Variants in CHST11 observed in about 807,000 individuals in gnomAD.
CHST11 encodes C4S-1.
In CHST11, 9 loss-of-function variants were observed where a neutral mutation model predicts 30.4. That is an observed-to-expected ratio of 0.30 (90% CI 0.18 to 0.52). CHST11 has a LOEUF of 0.52. CHST11 is among the 20% of genes least tolerant of loss of function. The pLI, the probability that CHST11 is intolerant of heterozygous loss-of-function variation, is 0.97. For synonymous variants in CHST11, 152 were observed against 187.8 expected, an observed-to-expected ratio of 0.81 and a Z score of 1.56; for missense variants, 348 against 460.6, an observed-to-expected ratio of 0.76 and a Z score of 2.24.
Position 104,731,173 on chromosome 12 carries a change from C to T in CHST11, c.205-25776C>T, listed in dbSNP as rs556043645. 3.9e-5 allele frequency among the ~76,000 whole-genome samples: 6 copies of T among 152,296 alleles called. No homozygotes were observed. In the South Asian group the frequency reaches 1.0e-3, roughly 26 times the overall value. On this transcript the variant is annotated intron_variant, in intron 2 of 2. Transcript: ENST00000303694. ...AACCCAAATTGACCAGAACCCTCAT[C>T]GGAGGGCTAACTTACTGTACACGAC...
intron 1 of CHST11, among the ~76,000 whole-genome samples, chr12:104,468,577 G>T (rs565859273): frequency 6.6e-6 from 1 of 152,334 alleles, no homozygotes; most frequent in South Asian, 2.1e-4. Context: ...GCAGTTTAGT[G>T]ATAGACATTC....
chr12:104,742,396 C>A (rs554312656), intron 2 of CHST11, among the ~76,000 whole-genome samples: 1 of 152,186 alleles, frequency 6.6e-6, no homozygotes, highest in South Asian at 2.1e-4. Context: ...GGTAAGCCAC[C>A]CGGGACTGCT....
intron 2 of CHST11, among the ~76,000 whole-genome samples, chr12:104,610,299 T>A (rs1426589567): frequency 1.3e-5 from 2 of 152,210 alleles, no homozygotes; most frequent in Non-Finnish European, 2.9e-5. Context: ...TTCGTCCACA[T>A]TTAACTCAAG....
chr12:104,560,572 A>G (rs1365594130), intron 1 of CHST11, among the ~76,000 whole-genome samples: 2 of 152,212 alleles, frequency 1.3e-5, no homozygotes, highest in East Asian at 1.9e-4. Flanking sequence ...ACTTTATGGT[A>G]CTTTATAATT....
At chr12:104,507,102 G>T (rs891178549) in intron 1 of CHST11, among the ~76,000 whole-genome samples, 1 of 152,164 alleles carries the variant, frequency 6.6e-6, no homozygotes, top group Non-Finnish European at 1.5e-5. Flanking sequence ...TGGAGGGAAG[G>T]GTCTGAGCTG....
intron 2 of CHST11, among the ~76,000 whole-genome samples, chr12:104,622,167 T>TTTATA (rs755903403): frequency 6.6e-6 from 1 of 152,048 alleles, no homozygotes; most frequent in Non-Finnish European, 1.5e-5. Flanking sequence ...CAACCACACA[T>TTTATA]TCAACCTGAA....
chr12:104,461,746 A>G (rs1248021689), intron 1 of CHST11, among the ~76,000 whole-genome samples: 1 of 152,164 alleles, frequency 6.6e-6, no homozygotes, highest in Non-Finnish European at 1.5e-5. Flanking sequence ...GAAAGATTAT[A>G]TCCTTTATTT....
chr12:104,713,428 ACTC>A (rs1347561223), intron 2 of CHST11, among the ~76,000 whole-genome samples: 2 of 152,020 alleles, frequency 1.3e-5, no homozygotes, highest in Non-Finnish European at 2.9e-5. Flanking sequence ...TGCCTTGCCT[ACTC>A]TGAGCACCAT....
At chr12:104,601,093 T>C (rs1308795962) in intron 1 of CHST11, among the ~76,000 whole-genome samples, 2 of 151,284 alleles carry the variant, frequency 1.3e-5, no homozygotes, top group African/African-American at 2.4e-5. Context: ...CCTTCCTTCC[T>C]TCCCTCTCTC....
Position 104,514,729 on chromosome 12 carries a change from C to T in CHST11, c.118+57200C>T, listed in dbSNP as rs116968461. Among the ~76,000 whole-genome samples, 68 of 152,226 alleles carry T rather than the reference C, an allele frequency of 4.5e-4. No homozygotes were observed. In the East Asian group the frequency reaches 7.7e-3, roughly 17 times the overall value. ...GAGGAAGGTACCAGGCTCTTCTTAACGATCAGCTCTTGTGGGAACTAACAG... is the reference window on the plus strand; with the variant it reads ...GAGGAAGGTACCAGGCTCTTCTTAATGATCAGCTCTTGTGGGAACTAACAG... On this transcript the variant is annotated intron_variant, in intron 1 of 2. Transcript: ENST00000303694.
At chr12:104,715,812 G>GA (rs1300679349) in intron 2 of CHST11, among the ~76,000 whole-genome samples, 2 of 152,186 alleles carry the variant, frequency 1.3e-5, no homozygotes, top group Non-Finnish European at 2.9e-5. Flanking sequence ...GGATGAAAGG[G>GA]TTCTGGGGCT....
intron 1 of CHST11, among the ~76,000 whole-genome samples, chr12:104,578,770 T>C (rs976883486): frequency 4.6e-5 from 7 of 152,136 alleles, no homozygotes; most frequent in Non-Finnish European, 8.8e-5. Context: ...TAATTGGAGA[T>C]AGAGAGATAG....
chr12:104,484,656 T>C (rs1346692769), intron 1 of CHST11, among the ~76,000 whole-genome samples: 2 of 152,234 alleles, frequency 1.3e-5, no homozygotes, highest in African/African-American at 2.4e-5. Flanking sequence ...GTGATACATA[T>C]GTATGATTGT....
rs377299232 is a variant in CHST11, at chr12:104,509,946, C to T, written c.118+52417C>T. On this transcript the variant is annotated intron_variant, in intron 1 of 2. Transcript: ENST00000303694. ...GGGAACTCTCCTCCATTTGGTGTTT[C>T]AGGGACCTAGGCTCCTTCCATGTTG... 2.6e-5 allele frequency among the ~76,000 whole-genome samples: 4 copies of T among 152,328 alleles called. No homozygotes were observed. The East Asian group carries it at 7.7e-4, about 29-fold the overall frequency.
chr12:104,607,336 T>A (rs575458124), intron 2 of CHST11, among the ~76,000 whole-genome samples: 3 of 152,306 alleles, frequency 2.0e-5, no homozygotes, highest in Admixed American at 1.3e-4. Flanking sequence ...GGGACTCTCT[T>A]AGCCCCAACC....
chr12:104,729,623 C>T lies in CHST11; in HGVS notation c.205-27326C>T, dbSNP rs1487815503. Among the ~76,000 whole-genome samples, 3 of 152,306 alleles carry T rather than the reference C, an allele frequency of 2.0e-5. No homozygotes were observed. In the East Asian group the frequency reaches 5.8e-4, roughly 29 times the overall value. On this transcript the variant is annotated intron_variant, in intron 2 of 2. Coordinates refer to ENST00000303694, the MANE Select transcript of CHST11 (RefSeq NM_018413.6). The surrounding 1 kb of genome is among the most constrained non-coding windows in gnomAD (Gnocchi z 4.0). The stretch of plus-strand genomic sequence containing the variant: ...TCATAGGTGCCATGAGTGACAGAAG[C>T]AGCGTAAGGTCTAGCGTATTGTCTT...
chr12:104,637,313 A>ACTC lies in CHST11; in HGVS notation c.204+35322_204+35323insCTC, dbSNP rs1438291537. ...GGAGTGAGACCCTGTAAAAAAAAAA[A>ACTC]AAAAAAAAAAAAAAAAAAAAAAGGG... On this transcript the variant is annotated intron_variant, in intron 2 of 2. Coordinates refer to ENST00000303694, the MANE Select transcript of CHST11 (RefSeq NM_018413.6). Among the ~76,000 whole-genome samples, 162 of 53,760 alleles carry ACTC rather than the reference A, an allele frequency of 3.0e-3. 11 individuals carry two copies. The highest frequency in any genetic ancestry group is 0.012 in the African/African-American group (126 of 10,726). The allele number at this position is 53,760 out of a possible 152,430, so 35.3% of individuals were successfully genotyped here. A position where few individuals can be genotyped will look rare whatever the true frequency, so the allele number is the denominator to read the frequency against.
chr12:104,513,123 T>TGGC (rs1555229062), intron 1 of CHST11, among the ~76,000 whole-genome samples: 3 of 3,390 alleles, frequency 8.8e-4, no homozygotes, highest in African/African-American at 4.4e-3. Flanking sequence ...ATGTCATGAC[T>TGGC]GGGGGGGGGG....
chr12:104,722,464 C>T (rs1201532108), intron 2 of CHST11, among the ~76,000 whole-genome samples: 2 of 152,260 alleles, frequency 1.3e-5, no homozygotes, highest in South Asian at 2.1e-4. Flanking sequence ...GACTGAACTG[C>T]AGTACTTAGA....
Sources: allele counts gnomAD v4.1 joint callset (sites outside exome capture counted in the v4.1 genomes callset), GRCh38; gene constraint gnomAD v4.1.1; non-coding constraint Gnocchi (gnomAD v3.1); transcripts MANE v1.5; gene names NCBI Gene and HGNC (gene_info 2026-07-23, HGNC 2026-07-21).